The following WWOX variants were observed in gnomAD, a reference collection of about 807,000 sequenced individuals.
The protein encoded by WWOX is WW domain containing oxidoreductase, also known as WW domain-containing oxidoreductase.
WWOX carries 69 observed loss-of-function variants against 46.2 expected under a neutral mutation model. The observed-to-expected ratio is 1.49, with a 90% confidence interval of 1.23 to 1.82. The LOEUF is 1.82. Ranked by LOEUF, WWOX falls within the 40% of genes most tolerant of loss-of-function variation. WWOX has a pLI of 0.00. For missense variants in WWOX, 919 were observed against 542.6 expected (o/e 1.69, Z -6.89); for synonymous variants, 359 against 202.6 (o/e 1.77, Z -6.56).
chr16:78,852,669 C>T (rs966810723), intron 8 of WWOX, among the ~76,000 whole-genome samples: 2 of 152,120 alleles, frequency 1.3e-5, no homozygotes, highest in Admixed American at 1.3e-4. Flanking sequence ...TTTTAAGATG[C>T]TTCATTTTGG....
At chr16:79,164,579 C>G (rs551490408) in intron 8 of WWOX, among the ~76,000 whole-genome samples, 1 of 152,152 alleles carries the variant, frequency 6.6e-6, no homozygotes, top group Non-Finnish European at 1.5e-5. Context: ...GAATGCAGAG[C>G]TCATGGTGGA....
Position 78,999,049 on chromosome 16 carries a change from G to A in WWOX, c.1057-212559G>A, listed in dbSNP as rs527354340. Among the ~76,000 whole-genome samples, 258 of 152,230 alleles carry A rather than the reference G, an allele frequency of 1.7e-3. 1 individual carries two copies. The highest frequency in any genetic ancestry group is 3.1e-3 in the Non-Finnish European group (210 of 68,020). ...GCTGTGAAGTGGAGAGACAGGCAGAGCTAGAAATATTCCGGACGTGGAAAT... is the reference window on the plus strand; with the variant it reads ...GCTGTGAAGTGGAGAGACAGGCAGAACTAGAAATATTCCGGACGTGGAAAT... On this transcript the variant is annotated intron_variant, in intron 8 of 8. Coordinates refer to ENST00000566780, the MANE Select transcript of WWOX (RefSeq NM_016373.4).
At chr16:79,015,922 AG>A (rs947223759) in intron 8 of WWOX, among the ~76,000 whole-genome samples, 4 of 152,016 alleles carry the variant, frequency 2.6e-5, no homozygotes, top group Admixed American at 2.0e-4. Context: ...AGCTAATTTT[AG>A]TATTTTTAGT....
chr16:78,838,750 G>T (rs1229267178), intron 8 of WWOX, among the ~76,000 whole-genome samples: 2 of 152,168 alleles, frequency 1.3e-5, no homozygotes, highest in African/African-American at 2.4e-5. Flanking sequence ...GGCTGAGACA[G>T]GAGAATTGCT....
At chr16:78,774,771 C>T (rs947408157) in intron 8 of WWOX, among the ~76,000 whole-genome samples, 5 of 152,118 alleles carry the variant, frequency 3.3e-5, no homozygotes, top group Non-Finnish European at 1.5e-5. Flanking sequence ...TAAGGCAATT[C>T]CTGGCACATG....
At chr16:78,719,038 G>A (rs1008769964) in intron 8 of WWOX, among the ~76,000 whole-genome samples, 6 of 152,162 alleles carry the variant, frequency 3.9e-5, no homozygotes, top group African/African-American at 7.2e-5. Context: ...GAAGGGACAA[G>A]TAGAACTTAG....
At chr16:78,528,442 TA>T (rs965011952) in intron 8 of WWOX, among the ~76,000 whole-genome samples, 5 of 152,126 alleles carry the variant, frequency 3.3e-5, no homozygotes, top group African/African-American at 1.2e-4. Context: ...TTCAAGGTGC[TA>T]ATTAGGGTGT....
intron 5 of WWOX, among the ~76,000 whole-genome samples, chr16:78,223,392 C>A (rs1460420340): frequency 1.3e-5 from 2 of 152,150 alleles, no homozygotes; most frequent in East Asian, 3.9e-4. Context: ...TTGTGTGGAC[C>A]ATGCCCTTTT....
At chr16:78,119,067 C>G (rs1340231786) in intron 4 of WWOX, 3 of 152,202 alleles carry the variant, frequency 2.0e-5, no homozygotes, top group Non-Finnish European at 4.4e-5. Flanking sequence ...CCAAAGCTTC[C>G]GCTAGGAGAT....
chr16:78,653,879 C>CTAT (rs1468301697), intron 8 of WWOX, among the ~76,000 whole-genome samples: 1 of 152,200 alleles, frequency 6.6e-6, no homozygotes, highest in Non-Finnish European at 1.5e-5. Flanking sequence ...ATCACGTTGT[C>CTAT]TATTACATGC....
chr16:78,589,334 A>T (rs1192118966), intron 8 of WWOX, among the ~76,000 whole-genome samples: 2 of 152,272 alleles, frequency 1.3e-5, no homozygotes, highest in Non-Finnish European at 2.9e-5. Context: ...ATGGGGGGAC[A>T]CATGCCAGCC....
intron 8 of WWOX, among the ~76,000 whole-genome samples, chr16:78,513,197 G>C (rs958011603): frequency 4.6e-5 from 7 of 152,108 alleles, no homozygotes; most frequent in Admixed American, 3.9e-4. Context: ...GAAGGAGACA[G>C]GATATGAATT....
chr16:78,313,993 C>A (rs777095218), intron 5 of WWOX, among the ~76,000 whole-genome samples: 4 of 152,278 alleles, frequency 2.6e-5, no homozygotes, highest in East Asian at 1.9e-4. Context: ...CCTGGCTGTT[C>A]CGCTTTCTAA....
chr16:78,490,937 A>C (rs971008572), intron 8 of WWOX, among the ~76,000 whole-genome samples: 8 of 152,168 alleles, frequency 5.3e-5, no homozygotes, highest in Admixed American at 2.0e-4. Context: ...TGGAAGAGGC[A>C]TCACGGGCAA....
chr16:78,906,809 T>G (rs1212410476), intron 8 of WWOX, among the ~76,000 whole-genome samples: 1 of 152,264 alleles, frequency 6.6e-6, no homozygotes, highest in Non-Finnish European at 1.5e-5. Context: ...CCACAGTGTT[T>G]TATTCATTTG....
intron 8 of WWOX, among the ~76,000 whole-genome samples, chr16:79,089,884 G>A (rs1435474822): frequency 1.3e-5 from 2 of 151,670 alleles, no homozygotes; most frequent in East Asian, 1.9e-4. Context: ...GCGGTTCAAG[G>A]GGGGCTTGGG....
At chr16:78,545,810 C>G (rs2044016957) in intron 8 of WWOX, among the ~76,000 whole-genome samples, 1 of 152,166 alleles carries the variant, frequency 6.6e-6, no homozygotes, top group African/African-American at 2.4e-5. Flanking sequence ...AGACGGCCGC[C>G]TTCTTGCTCT....
intron 8 of WWOX, among the ~76,000 whole-genome samples, chr16:78,993,541 C>T (rs564008344): frequency 8.1e-4 from 123 of 152,296 alleles, no homozygotes; most frequent in African/African-American, 2.7e-3. Context: ...AGGACTATTA[C>T]AGTGTTATCA....
intron 8 of WWOX, among the ~76,000 whole-genome samples, chr16:78,988,519 C>A (rs2046824446): frequency 6.6e-6 from 1 of 152,026 alleles, no homozygotes; most frequent in South Asian, 2.1e-4. Flanking sequence ...AGGAATTCAG[C>A]CTACCACTGG....
Sources: gnomAD v4.1 joint callset for allele counts (sites outside exome capture counted in the v4.1 genomes callset) on GRCh38, gnomAD v4.1.1 for gene constraint, MANE v1.5 for transcripts, NCBI Gene and HGNC (gene_info 2026-07-23, HGNC 2026-07-21) for gene names.